Variants in PCDH11Y observed in about 807,000 individuals in gnomAD.
The protein encoded by PCDH11Y is protocadherin-11 Y-linked.
For synonymous variants in PCDH11Y, 9 were observed against 83.6 expected (o/e 0.11, Z 4.87); for missense variants, 12 against 224.8 (o/e 0.05, Z 6.05).
chrY:5,732,567 TTGTGTGTGTG>T (rs759694978), intron 4 of PCDH11Y, among the ~76,000 whole-genome samples: 1 of 28,166 alleles, frequency 3.6e-5, no homozygotes, highest in African/African-American at 1.6e-4. Flanking sequence ...GTTGTTGTTG[TTGTGTGTGTG>T]TGTGTGTGTG....
intron 4 of PCDH11Y, among the ~76,000 whole-genome samples, chrY:5,605,607 T>G: frequency 3.0e-5 from 1 of 33,802 alleles, no homozygotes; most frequent in African/African-American, 1.1e-4. Context: ...TAAATTTCTA[T>G]GCACATTTTT....
At chrY:5,673,602 A>C in intron 4 of PCDH11Y, among the ~76,000 whole-genome samples, 1 of 29,431 alleles carries the variant, frequency 3.4e-5, no homozygotes, top group Admixed American at 3.3e-4. Flanking sequence ...AATTACTATT[A>C]TTATTTTTAA....
At chrY:5,244,157 C>G in intron 2 of PCDH11Y, among the ~76,000 whole-genome samples, 2 of 33,715 alleles carry the variant, frequency 5.9e-5, no homozygotes, top group East Asian at 1.6e-3. Flanking sequence ...GAATAACCTG[C>G]TCCTGAATAA....
intron 3 of PCDH11Y, among the ~76,000 whole-genome samples, chrY:5,503,087 G>A: frequency 3.0e-5 from 1 of 33,051 alleles, no homozygotes; most frequent in Non-Finnish European, 7.5e-5. Context: ...CTTAACAGAA[G>A]CTGGTCTTGT....
intron 2 of PCDH11Y, among the ~76,000 whole-genome samples, chrY:5,163,690 A>C: frequency 6.1e-5 from 2 of 32,593 alleles, no homozygotes; most frequent in African/African-American, 2.4e-4. Context: ...CTCCTGCTTC[A>C]ACTTCCGCCA....
chrY:5,186,150 AAAG>A lies in PCDH11Y; in HGVS notation c.3129+85450_3129+85452del, dbSNP rs2052905890. On this transcript the variant is annotated intron_variant, in intron 2 of 4. Transcript: ENST00000400457. ...AAGAAATAAAAGGCATCCAAATTGAAAAGAAGAAGTAAAATTGTCTCTATTGGA... is the reference window on the plus strand; with the variant it reads ...AAGAAATAAAAGGCATCCAAATTGAAAAGAAGTAAAATTGTCTCTATTGGA... 1.8e-4 allele frequency among the ~76,000 whole-genome samples: 6 copies of A among 33,479 alleles called. No individual in the cohort carries two copies. In the South Asian group the frequency reaches 3.4e-3, roughly 19 times the overall value. 89.8% of individuals were successfully genotyped at this position (33,479 alleles called of 37,273 possible).
chrY:5,107,083 C>T (rs1569475320), downstream of PCDH11Y, among the ~76,000 whole-genome samples: 2 of 32,234 alleles, frequency 6.2e-5, no homozygotes, highest in East Asian at 1.6e-3. Context: ...AGGGAGAATA[C>T]CTTGTTTTTC....
At chrY:5,541,419 A>G (rs2053406428) in intron 3 of PCDH11Y, among the ~76,000 whole-genome samples, 1 of 33,549 alleles carries the variant, frequency 3.0e-5, no homozygotes, top group Admixed American at 2.7e-4. Context: ...CCGTCCCACC[A>G]AGGTAAGAGT....
chrY:5,562,560 G>T (rs2053429783), intron 3 of PCDH11Y, among the ~76,000 whole-genome samples: 1 of 29,967 alleles, frequency 3.3e-5, no homozygotes, highest in Non-Finnish European at 8.0e-5. Context: ...AGGAGATCGA[G>T]ACCATCCTGG....
intron 2 of PCDH11Y, chrY:5,337,843 G>A: frequency 2.5e-6 from 1 of 393,728 alleles, no homozygotes; most frequent in Non-Finnish European, 3.5e-6. Context: ...CTGTCACCAT[G>A]TTAATAGCCA....
chrY:5,343,560 T>G, intron 2 of PCDH11Y, among the ~76,000 whole-genome samples: 1 of 31,945 alleles, frequency 3.1e-5, no homozygotes, highest in Non-Finnish European at 7.6e-5. Context: ...GCCAGTATAA[T>G]GCAGTCTTGA....
intron 4 of PCDH11Y, among the ~76,000 whole-genome samples, chrY:5,644,437 T>C: frequency 3.0e-5 from 1 of 33,194 alleles, no homozygotes; most frequent in African/African-American, 1.2e-4. Flanking sequence ...TTGCAACTTG[T>C]TTTTCTACTT....
chrY:5,069,078 A>G (rs2052694398), intron 1 of PCDH11Y, among the ~76,000 whole-genome samples: 1 of 32,039 alleles, frequency 3.1e-5, no homozygotes, highest in African/African-American at 1.2e-4. Context: ...TAGCAGAGCG[A>G]CTCTCAGGCT....
chrY:5,695,196 T>C (rs2053571050), intron 4 of PCDH11Y, among the ~76,000 whole-genome samples: 1 of 32,082 alleles, frequency 3.1e-5, no homozygotes, highest in South Asian at 7.1e-4. Flanking sequence ...AACTGACCAC[T>C]TCGTCATTAT....
chrY:5,012,048 C>G, intron 1 of PCDH11Y, among the ~76,000 whole-genome samples: 1 of 26,027 alleles, frequency 3.8e-5, no homozygotes, highest in African/African-American at 1.5e-4. Flanking sequence ...ATTTGAGGAT[C>G]TCAGTGAGAT....
intron 1 of PCDH11Y, among the ~76,000 whole-genome samples, chrY:5,079,616 G>T: frequency 3.2e-5 from 1 of 31,302 alleles, no homozygotes; most frequent in Non-Finnish European, 7.8e-5. Context: ...GACACTTTCA[G>T]CCATGGCTGG....
At chrY:5,540,673 A>G (rs2053405359) in intron 3 of PCDH11Y, among the ~76,000 whole-genome samples, 1 of 35,879 alleles carries the variant, frequency 2.8e-5, no homozygotes, top group Admixed American at 2.5e-4. Context: ...AAAGTAATTG[A>G]TAGCTGTACA....
chrY:5,196,166 T>G, intron 2 of PCDH11Y, among the ~76,000 whole-genome samples: 1 of 33,769 alleles, frequency 3.0e-5, no homozygotes, highest in African/African-American at 1.1e-4. Flanking sequence ...CTTAATGCAT[T>G]AGTCTCTTAA....
At chrY:5,633,330 A>T in intron 4 of PCDH11Y, among the ~76,000 whole-genome samples, 2 of 30,992 alleles carry the variant, frequency 6.5e-5, no homozygotes, top group African/African-American at 2.5e-4. Flanking sequence ...TCTTCTATAA[A>T]CATTCATGTA....
Sources: allele counts gnomAD v4.1 joint callset (sites outside exome capture counted in the v4.1 genomes callset), GRCh38; gene constraint gnomAD v4.1.1; transcripts MANE v1.5; gene names NCBI Gene and HGNC (gene_info 2026-07-23, HGNC 2026-07-21).